Variants in PHF24 observed in about 807,000 individuals in gnomAD.
PHF24 encodes Galpha inhibitory interacting protein.
In PHF24, 25 loss-of-function variants were observed where a neutral mutation model predicts 42.6. The observed-to-expected ratio is 0.59, with a 90% CI of 0.43 to 0.82. The LOEUF is 0.82. Among genes scored for constraint, PHF24 ranks in the 40% least tolerant of loss-of-function variants. PHF24 has a pLI of 0.00. For missense variants in PHF24, 470 were observed against 538.1 expected (o/e 0.87, Z 1.25); for synonymous variants, 185 against 204.8 (o/e 0.90, Z 0.83).
chr9:34,928,490 G>T, the PHF24 span, among the ~76,000 whole-genome samples: 70,437 of 151,834 alleles, frequency 0.46, 16,746 homozygotes, highest in Non-Finnish European at 0.52. Context: ...AGTCAACAAA[G>T]TTTATGCTTC....
the PHF24 span, among the ~76,000 whole-genome samples, chr9:34,720,682 C>T: frequency 6.6e-6 from 1 of 152,064 alleles, no homozygotes; most frequent in Non-Finnish European, 1.5e-5. Flanking sequence ...CTCCCTGGTC[C>T]CTCACCTCAC....
the PHF24 span, among the ~76,000 whole-genome samples, chr9:34,741,047 G>A: frequency 1.3e-5 from 2 of 151,602 alleles, no homozygotes; most frequent in Non-Finnish European, 2.9e-5. Flanking sequence ...CACCATGCCC[G>A]GCTAATTTTT....
upstream of PHF24, among the ~76,000 whole-genome samples, chr9:34,954,046 A>AC (rs1050531547): frequency 6.6e-6 from 1 of 152,168 alleles, no homozygotes; most frequent in Non-Finnish European, 1.5e-5. Context: ...ACGGTGTCTC[A>AC]CATCTGTAAT....
At chr9:34,883,251 C>T in the PHF24 span, among the ~76,000 whole-genome samples, 1 of 152,056 alleles carries the variant, frequency 6.6e-6, no homozygotes, top group East Asian at 1.9e-4. Flanking sequence ...GACCTAAAAC[C>T]ATAAAAACCC....
the PHF24 span, among the ~76,000 whole-genome samples, chr9:34,691,439 T>C: frequency 1.3e-5 from 2 of 152,090 alleles, no homozygotes; most frequent in Non-Finnish European, 2.9e-5. Context: ...TCCTTCTGCT[T>C]TCCTTGGCTC....
the PHF24 span, among the ~76,000 whole-genome samples, chr9:34,906,643 CAAAAAAAAAAA>C: frequency 1.5e-5 from 1 of 66,142 alleles, no homozygotes. Flanking sequence ...GACTCCATCT[CAAAAAAAAAAA>C]AAAAAAAAAG....
chr9:34,980,423 A>C (rs1827349398), exon 8 of PHF24: 2 of 152,274 alleles, frequency 1.3e-5, no homozygotes, highest in Admixed American at 6.5e-5. Context: ...CCCAGGGGAC[A>C]CTTCCCTCAG....
the PHF24 span, among the ~76,000 whole-genome samples, chr9:34,789,771 A>C: frequency 2.6e-5 from 4 of 152,266 alleles, no homozygotes; most frequent in Non-Finnish European, 4.4e-5. Flanking sequence ...AGGACACTGC[A>C]ATAGGCATAT....
the PHF24 span, chr9:34,922,382 G>A: frequency 1.8e-5 from 26 of 1,445,086 alleles, 1 homozygote; most frequent in Admixed American, 6.7e-5. Context: ...AATTCAGAAC[G>A]TCATAATAGA....
At chr9:34,929,739 G>GT in the PHF24 span, among the ~76,000 whole-genome samples, 2 of 152,190 alleles carry the variant, frequency 1.3e-5, no homozygotes, top group African/African-American at 4.8e-5. Flanking sequence ...ACATACTGCC[G>GT]TGGGAGAATT....
the PHF24 span, among the ~76,000 whole-genome samples, chr9:34,898,303 C>T: frequency 2.6e-5 from 4 of 152,256 alleles, no homozygotes; most frequent in African/African-American, 7.2e-5. Flanking sequence ...AGTGTAGAGG[C>T]GTTCCCTTAT....
chr9:34,732,664 T>C, the PHF24 span, among the ~76,000 whole-genome samples: 130 of 152,312 alleles, frequency 8.5e-4, no homozygotes, highest in African/African-American at 2.8e-3. Flanking sequence ...CTGTCTGTGC[T>C]TATCGGGTAT....
chr9:34,755,740 G>A, the PHF24 span, among the ~76,000 whole-genome samples: 10 of 152,064 alleles, frequency 6.6e-5, no homozygotes, highest in Non-Finnish European at 1.5e-4. Flanking sequence ...TGAACTCCTG[G>A]ACTCAAGCAA....
At chr9:34,739,480 G>A in the PHF24 span, among the ~76,000 whole-genome samples, 19 of 152,268 alleles carry the variant, frequency 1.2e-4, no homozygotes, top group Non-Finnish European at 1.8e-4. Flanking sequence ...TTATGTGTCC[G>A]GAATTGGTGG....
the PHF24 span, among the ~76,000 whole-genome samples, chr9:34,930,130 T>C: frequency 6.6e-6 from 1 of 152,182 alleles, no homozygotes; most frequent in Non-Finnish European, 1.5e-5. Flanking sequence ...CTCCCTAAAA[T>C]GTCTGGGGCT....
At chr9:34,674,640 CA>C in the PHF24 span, among the ~76,000 whole-genome samples, 3 of 152,262 alleles carry the variant, frequency 2.0e-5, no homozygotes, top group Non-Finnish European at 4.4e-5. Context: ...TAGTCTGGAT[CA>C]ATGGGGAAGA....
chr9:34,791,231 G>C, the PHF24 span, among the ~76,000 whole-genome samples: 14 of 152,136 alleles, frequency 9.2e-5, no homozygotes, highest in African/African-American at 3.1e-4. Flanking sequence ...CAAGATAGTC[G>C]GCAAGAAGTG....
chr9:34,869,619 G>A, the PHF24 span, among the ~76,000 whole-genome samples: 1 of 152,016 alleles, frequency 6.6e-6, no homozygotes, highest in African/African-American at 2.4e-5. Context: ...CAAGTTCTCT[G>A]CAGAGAAATG....
chr9:34,904,094 G>A, the PHF24 span, among the ~76,000 whole-genome samples: 1 of 151,994 alleles, frequency 6.6e-6, no homozygotes, highest in Non-Finnish European at 1.5e-5. Flanking sequence ...GAGTCTTTAG[G>A]GTTTTTAGGG....
Sources: gnomAD v4.1 joint callset for allele counts (sites outside exome capture counted in the v4.1 genomes callset) on GRCh38, gnomAD v4.1.1 for gene constraint, MANE v1.5 for transcripts, NCBI Gene and HGNC (gene_info 2026-07-23, HGNC 2026-07-21) for gene names.